CDH8: variants seen among roughly 807,000 people sequenced by gnomAD.
The protein encoded by CDH8 is cadherin-8.
Under a neutral mutation model 68.1 loss-of-function variants are expected in CDH8, and 17 were observed. The observed-to-expected ratio is 0.25, with a 90% confidence interval of 0.17 to 0.37. The LOEUF (loss-of-function observed/expected upper bound fraction) is 0.37. Among genes scored for constraint, CDH8 ranks in the 10% least tolerant of loss-of-function variants. The pLI is 1.00. For missense variants in CDH8, 763 were observed against 999.3 expected (o/e 0.76, Z 3.19); for synonymous variants, 372 against 365.1 (o/e 1.02, Z -0.21).
intron 4 of CDH8, among the ~76,000 whole-genome samples, chr16:61,837,353 A>G (rs1308460880): frequency 6.6e-6 from 1 of 152,052 alleles, no homozygotes; most frequent in Non-Finnish European, 1.5e-5. Context: ...TGTAGTCAAC[A>G]CTTTTCAGCT....
intron 9 of CDH8, among the ~76,000 whole-genome samples, chr16:61,719,732 T>C (rs1367118677): frequency 6.6e-6 from 1 of 150,916 alleles, no homozygotes; most frequent in Non-Finnish European, 1.5e-5. Context: ...GTAATTCCTA[T>C]ATTGAAAATA....
intron 2 of CDH8, among the ~76,000 whole-genome samples, chr16:61,922,431 TTTA>T (rs1463726250): frequency 6.6e-6 from 1 of 152,174 alleles, no homozygotes; most frequent in African/African-American, 2.4e-5. Context: ...CAACCATCTC[TTTA>T]TTATTTATAT....
At chr16:61,709,862 C>T (rs1382425991) in intron 10 of CDH8, among the ~76,000 whole-genome samples, 1 of 151,942 alleles carries the variant, frequency 6.6e-6, no homozygotes, top group Non-Finnish European at 1.5e-5. Flanking sequence ...ATTTTAATAC[C>T]CTTTAGAATG....
chr16:61,790,999 C>A (rs1961364449), intron 7 of CDH8, among the ~76,000 whole-genome samples: 1 of 151,328 alleles, frequency 6.6e-6, no homozygotes, highest in East Asian at 1.9e-4. Context: ...TTAAATCCTG[C>A]CCACCAAAGA....
intron 2 of CDH8, among the ~76,000 whole-genome samples, chr16:61,994,681 AAC>A (rs773507708): frequency 2.6e-4 from 39 of 152,304 alleles, no homozygotes; most frequent in Non-Finnish European, 4.7e-4. Flanking sequence ...ACCTGTCAGA[AAC>A]ACAAATTCTG....
chr16:61,817,954 G>T, intron 6 of CDH8: 1 of 430,928 alleles, frequency 2.3e-6, no homozygotes, highest in South Asian at 5.4e-5. Context: ...CTATTGTTTT[G>T]TTTTGCTCAT....
chr16:61,713,095 C>T (rs1309292076), intron 10 of CDH8, among the ~76,000 whole-genome samples: 1 of 151,492 alleles, frequency 6.6e-6, no homozygotes, highest in African/African-American at 2.4e-5. Flanking sequence ...GACTTAAATA[C>T]ATTTGAACAA....
intron 2 of CDH8, among the ~76,000 whole-genome samples, chr16:61,923,168 C>T (rs1241200229): frequency 6.6e-6 from 1 of 152,100 alleles, no homozygotes; most frequent in African/African-American, 2.4e-5. Context: ...CTGTCTTATA[C>T]GTTGCTTCAT....
chr16:61,674,427 C>T (rs538004833), intron 10 of CDH8, among the ~76,000 whole-genome samples: 14 of 148,226 alleles, frequency 9.4e-5, no homozygotes, highest in Non-Finnish European at 1.6e-4. Flanking sequence ...GCACTCCAGC[C>T]GAGGTGACAG....
rs536187295 is a variant in CDH8 at position 61,990,942 on chromosome 16, CAG to C, written c.252+30208_252+30209del. 3.1e-4 allele frequency among the ~76,000 whole-genome samples: 44 copies of C among 142,158 alleles called. No individual in the cohort carries two copies. In the East Asian group the frequency reaches 3.3e-3, roughly 11 times the overall value. 93.3% of individuals were successfully genotyped at this position (142,158 alleles called of 152,430 possible). Reference sequence around the variant, plus strand: ...GAGGGAAGGAAGGAAAAGAAAGAAACAGAGAGAGAGAAAAAAGAAAGAAAGAA... The same window carrying C: ...GAGGGAAGGAAGGAAAAGAAAGAAACAGAGAGAGAAAAAAGAAAGAAAGAA... On this transcript the variant is annotated intron_variant, in intron 2 of 11. Coordinates refer to ENST00000577390, the MANE Select transcript of CDH8 (RefSeq NM_001796.5).
At chr16:61,912,851 C>T (rs1026053976) in intron 2 of CDH8, among the ~76,000 whole-genome samples, 10 of 152,086 alleles carry the variant, frequency 6.6e-5, no homozygotes, top group Non-Finnish European at 4.4e-5. Context: ...AATATCATTA[C>T]CCCATATAGC....
chr16:61,770,737 T>A (rs1416840249), intron 8 of CDH8, among the ~76,000 whole-genome samples: 1 of 151,910 alleles, frequency 6.6e-6, no homozygotes, highest in African/African-American at 2.4e-5. Flanking sequence ...CTCCTATCTG[T>A]GGTTTGGATG....
At chr16:61,735,222 C>T (rs1959644092) in intron 8 of CDH8, among the ~76,000 whole-genome samples, 1 of 152,076 alleles carries the variant, frequency 6.6e-6, no homozygotes, top group Non-Finnish European at 1.5e-5. Flanking sequence ...GTGATCTTGG[C>T]AGGTTTCTGG....
chr16:61,975,106 A>C (rs1422622731), intron 2 of CDH8, among the ~76,000 whole-genome samples: 1 of 152,118 alleles, frequency 6.6e-6, no homozygotes, highest in Non-Finnish European at 1.5e-5. Context: ...AAAGAATTTC[A>C]TTTTATCCTC....
intron 8 of CDH8, among the ~76,000 whole-genome samples, chr16:61,765,908 T>C (rs572918745): frequency 3.4e-4 from 52 of 152,162 alleles, no homozygotes; most frequent in African/African-American, 1.2e-3. Context: ...CTGTGAACAC[T>C]TTAATTCCAC....
chr16:61,895,113 C>A (rs1963847856), intron 3 of CDH8, among the ~76,000 whole-genome samples: 2 of 152,028 alleles, frequency 1.3e-5, no homozygotes, highest in South Asian at 4.1e-4. Flanking sequence ...TTATATAATA[C>A]CTCCCTTAAA....
At chr16:61,932,638 T>G (rs892695377) in intron 2 of CDH8, among the ~76,000 whole-genome samples, 1 of 152,224 alleles carries the variant, frequency 6.6e-6, no homozygotes, top group African/African-American at 2.4e-5. Flanking sequence ...AAAAAGCAGT[T>G]GTTTCATGAC....
intron 2 of CDH8, among the ~76,000 whole-genome samples, chr16:61,922,044 G>A (rs1020426139): frequency 6.6e-6 from 1 of 151,978 alleles, no homozygotes; most frequent in Non-Finnish European, 1.5e-5. Flanking sequence ...AAAAATAGAG[G>A]TCACATCGAT....
chr16:61,678,537 T>G (rs1386792038), intron 10 of CDH8, among the ~76,000 whole-genome samples: 1 of 146,726 alleles, frequency 6.8e-6, no homozygotes, highest in African/African-American at 2.6e-5. Flanking sequence ...TACCTTCTCT[T>G]TTTTTTATAC....
Sources: allele counts gnomAD v4.1 joint callset (sites outside exome capture counted in the v4.1 genomes callset), GRCh38; gene constraint gnomAD v4.1.1; transcripts MANE v1.5; gene names NCBI Gene and HGNC (gene_info 2026-07-23, HGNC 2026-07-21).